The following DPYD variants were observed in gnomAD, a reference collection of about 807,000 sequenced individuals.
The protein encoded by DPYD is dihydropyrimidine dehydrogenase, also known as dihydropyrimidine dehydrogenase [NADP(+)].
DPYD carries 109 observed loss-of-function variants against 116.2 expected under a neutral mutation model. That is an observed-to-expected ratio of 0.94 (90% CI 0.80 to 1.10). DPYD has a LOEUF of 1.10. Ranked by LOEUF, DPYD falls within the 50% of genes least tolerant of loss-of-function variation. The pLI is 0.00. For missense variants in DPYD, 1,302 were observed against 1,254.5 expected (o/e 1.04, Z -0.57); for synonymous variants, 440 against 432.0 (o/e 1.02, Z -0.23).
intron 8 of DPYD, among the ~76,000 whole-genome samples, chr1:97,676,587 T>C (rs921239055): frequency 6.6e-6 from 1 of 152,190 alleles, no homozygotes; most frequent in Non-Finnish European, 1.5e-5. Context: ...CTATTCTACA[T>C]TTCCTCCTAC....
Position 97,305,369 on chromosome 1 carries a change from T to C in DPYD, c.2189A>G (p.Asn730Ser), listed in dbSNP as rs1262788717. Residue 730 changes from asparagine (N) to serine (S), a missense_variant, in exon 18 of 23, where the codon AAT (asparagine) becomes AGT (serine). Coordinates refer to ENST00000370192, the MANE Select transcript of DPYD (RefSeq NM_000110.4). ...GACAGTGTTGGTGGCTGTAACGCCA[T>C]TGGCACCACCTATGCAAGACACATC... ...IARAAKEGGA[N>S]GVTATNTVSG... 5.0e-6 allele frequency: 8 copies of C among 1,612,226 alleles called. No individual in the cohort carries two copies. Among genetic ancestry groups the C allele is most frequent in the South Asian group, 2.2e-5 (2 of 91,066 alleles).
At chr1:97,773,666 C>T (rs545027012) in intron 3 of DPYD, among the ~76,000 whole-genome samples, 1 of 152,228 alleles carries the variant, frequency 6.6e-6, no homozygotes, top group South Asian at 2.1e-4. Flanking sequence ...GATGGCAGAA[C>T]GACACGGCCA....
chr1:97,601,813 T>C (rs531854693), intron 8 of DPYD, among the ~76,000 whole-genome samples: 1 of 151,966 alleles, frequency 6.6e-6, no homozygotes, highest in Non-Finnish European at 1.5e-5. Context: ...TAGTACTGAG[T>C]GTTCAGACAG....
chr1:97,429,507 G>T (rs1031782147), intron 14 of DPYD, among the ~76,000 whole-genome samples: 10 of 151,992 alleles, frequency 6.6e-5, no homozygotes, highest in African/African-American at 2.4e-4. Context: ...ACATTTAACC[G>T]TTGTGTATAT....
intron 21 of DPYD, 90 bp downstream of exon 21, chr1:97,098,399 A>G: frequency 2.1e-6 from 3 of 1,456,048 alleles, no homozygotes; most frequent in Non-Finnish European, 2.8e-6. Flanking sequence ...CAAATTAGTG[A>G]TACATTTAAG....
At chr1:97,308,841 A>G (rs1474955066) in intron 16 of DPYD, among the ~76,000 whole-genome samples, 1 of 151,886 alleles carries the variant, frequency 6.6e-6, no homozygotes, top group Non-Finnish European at 1.5e-5. Flanking sequence ...GATCTGAAAT[A>G]TACAAAAGTA....
At chr1:97,771,522 GT>G (rs1251252564) in intron 3 of DPYD, among the ~76,000 whole-genome samples, 7 of 152,232 alleles carry the variant, frequency 4.6e-5, no homozygotes, top group Admixed American at 4.6e-4. Context: ...TATTTTTACT[GT>G]AAAGCAGTAT....
intron 16 of DPYD, among the ~76,000 whole-genome samples, chr1:97,313,801 C>A (rs942754758): frequency 2.6e-5 from 4 of 151,900 alleles, no homozygotes; most frequent in Non-Finnish European, 5.9e-5. Context: ...GCATTTATCA[C>A]AGTGTTTTAT....
chr1:97,088,349 T>G (rs1278033200), intron 21 of DPYD, among the ~76,000 whole-genome samples: 1 of 152,232 alleles, frequency 6.6e-6, no homozygotes, highest in African/African-American at 2.4e-5. Context: ...TGCCATTTTC[T>G]TCAAACAGAC....
chr1:97,848,255 G>A (rs566118945), intron 2 of DPYD, among the ~76,000 whole-genome samples: 2 of 152,026 alleles, frequency 1.3e-5, no homozygotes, highest in Admixed American at 6.6e-5. Flanking sequence ...CTGCCACCAC[G>A]GCCGGCTAAC....
chr1:97,130,192 G>A (rs1653168214), intron 20 of DPYD, among the ~76,000 whole-genome samples: 1 of 152,164 alleles, frequency 6.6e-6, no homozygotes, highest in Non-Finnish European at 1.5e-5. Context: ...CTAAATTTAA[G>A]CTAGATCTTT....
At chr1:97,220,431 C>T (rs954656081) in intron 19 of DPYD, among the ~76,000 whole-genome samples, 1 of 152,060 alleles carries the variant, frequency 6.6e-6, no homozygotes, top group African/African-American at 2.4e-5. Flanking sequence ...TTAAAAATTG[C>T]CCAGCTTTGA....
At chr1:97,347,348 A>G (rs1430402528) in intron 16 of DPYD, among the ~76,000 whole-genome samples, 1 of 151,914 alleles carries the variant, frequency 6.6e-6, no homozygotes, top group African/African-American at 2.4e-5. Flanking sequence ...CTTGACTTCT[A>G]CCAAACATAT....
At chr1:97,750,357 T>C (rs557776179) in intron 3 of DPYD, among the ~76,000 whole-genome samples, 154 of 152,246 alleles carry the variant, frequency 1.0e-3, no homozygotes, top group African/African-American at 3.4e-3. Flanking sequence ...TTTGTTCCTA[T>C]ACAATTCCTA....
chr1:97,824,348 T>A (rs1161215366), intron 3 of DPYD, among the ~76,000 whole-genome samples: 1 of 152,176 alleles, frequency 6.6e-6, no homozygotes, highest in African/African-American at 2.4e-5. Context: ...CTCTGGCCTC[T>A]CCATTGTTGA....
At chr1:97,330,730 G>A (rs960323048) in intron 16 of DPYD, among the ~76,000 whole-genome samples, 2 of 152,094 alleles carry the variant, frequency 1.3e-5, no homozygotes, top group African/African-American at 4.8e-5. Flanking sequence ...AGTTAACTCC[G>A]TATATTCTAT....
intron 19 of DPYD, among the ~76,000 whole-genome samples, chr1:97,230,169 A>T (rs1661489040): frequency 6.6e-6 from 1 of 152,216 alleles, no homozygotes; most frequent in African/African-American, 2.4e-5. Context: ...TCCCATTATA[A>T]AGACACATGC....
chr1:97,741,027 T>C (rs1388688246), intron 3 of DPYD, among the ~76,000 whole-genome samples: 1 of 152,102 alleles, frequency 6.6e-6, no homozygotes, highest in Non-Finnish European at 1.5e-5. Flanking sequence ...CTGTAACAGA[T>C]GCCTCAAAGC....
intron 16 of DPYD, among the ~76,000 whole-genome samples, chr1:97,332,185 C>T (rs1414178812): frequency 6.6e-6 from 1 of 152,152 alleles, no homozygotes; most frequent in Non-Finnish European, 1.5e-5. Flanking sequence ...GAAGTCTGAG[C>T]TGCTTCTCTA....
Sources: allele counts gnomAD v4.1 joint callset (sites outside exome capture counted in the v4.1 genomes callset), GRCh38; gene constraint gnomAD v4.1.1; transcripts MANE v1.5; gene names NCBI Gene and HGNC (gene_info 2026-07-23, HGNC 2026-07-21).